WIF1: variants seen among roughly 807,000 people sequenced by gnomAD.
WIF1 encodes Wnt inhibitory factor 1.
A neutral mutation model predicts 53.5 loss-of-function variants in WIF1; 35 were observed. The ratio of observed to expected loss-of-function variants is 0.65; its 90% CI spans 0.50 to 0.87. The LOEUF (loss-of-function observed/expected upper bound fraction) is 0.87. Ranked by LOEUF, WIF1 falls within the 40% of genes least tolerant of loss-of-function variation. WIF1 has a pLI of 0.00. For synonymous variants in WIF1, 171 were observed against 170.4 expected (o/e 1.00, Z -0.03); for missense variants, 467 against 476.8 (o/e 0.98, Z 0.19).
intron 3 of WIF1, among the ~76,000 whole-genome samples, chr12:65,069,732 C>T (rs960880286): frequency 6.6e-6 from 1 of 152,078 alleles, no homozygotes; most frequent in African/African-American, 2.4e-5. Flanking sequence ...GAAGACATTG[C>T]TGTACAAAGA....
intron 7 of WIF1, among the ~76,000 whole-genome samples, chr12:65,058,322 T>C (rs183402939): frequency 6.6e-6 from 1 of 152,344 alleles, no homozygotes; most frequent in Admixed American, 6.5e-5. Context: ...AAAGACAGCG[T>C]ACTCATATGT....
chr12:65,081,097 T>C (rs1882941890), intron 2 of WIF1, among the ~76,000 whole-genome samples: 1 of 150,780 alleles, frequency 6.6e-6, no homozygotes, highest in South Asian at 2.1e-4. Flanking sequence ...ATTTATATCT[T>C]TTCATGAAAT....
chr12:65,055,287 T>G, intron 8 of WIF1, 74 bp from the exon 9 acceptor site: 1 of 1,505,506 alleles, frequency 6.6e-7, no homozygotes, highest in South Asian at 1.3e-5. Flanking sequence ...TTGCTTTCCT[T>G]GCAATTCTTT....
At chr12:65,081,380 C>T (rs554505420) in intron 2 of WIF1, among the ~76,000 whole-genome samples, 67 of 152,156 alleles carry the variant, frequency 4.4e-4, no homozygotes, top group African/African-American at 1.4e-3. Flanking sequence ...AAATTCCATT[C>T]GGAGGCCAGA....
intron 6 of WIF1, among the ~76,000 whole-genome samples, chr12:65,063,846 T>A (rs1393286596): frequency 1.3e-5 from 2 of 152,086 alleles, no homozygotes; most frequent in African/African-American, 4.8e-5. Context: ...CCCAGATGGC[T>A]GGGAGTAAAG....
chr12:65,101,679 G>A (rs752664048), intron 2 of WIF1, among the ~76,000 whole-genome samples: 2 of 152,186 alleles, frequency 1.3e-5, no homozygotes, highest in East Asian at 1.9e-4. Flanking sequence ...GATAGTGACC[G>A]AACATAAATC....
intron 7 of WIF1, among the ~76,000 whole-genome samples, chr12:65,062,255 A>G (rs1168697580): frequency 2.0e-5 from 3 of 152,206 alleles, no homozygotes; most frequent in Admixed American, 2.0e-4. Context: ...ACCGAGTCAG[A>G]GAGCATTTCT....
chr12:65,091,223 A>G (rs1023304221), intron 2 of WIF1, among the ~76,000 whole-genome samples: 1 of 151,574 alleles, frequency 6.6e-6, no homozygotes, highest in African/African-American at 2.4e-5. Context: ...GCAAAAACCT[A>G]GTTTCTTTAA....
At chr12:65,098,665 T>A (rs892571162) in intron 2 of WIF1, among the ~76,000 whole-genome samples, 4 of 152,100 alleles carry the variant, frequency 2.6e-5, no homozygotes, top group Non-Finnish European at 5.9e-5. Context: ...TCTGTGTGTG[T>A]GTGTGTGTAA....
chr12:65,101,721 C>G (rs1252268370), intron 2 of WIF1, among the ~76,000 whole-genome samples: 1 of 152,258 alleles, frequency 6.6e-6, no homozygotes. Context: ...ATAAAAAACC[C>G]TTATAATTTG....
chr12:65,069,893 C>A (rs771012258), intron 3 of WIF1, among the ~76,000 whole-genome samples: 13 of 152,152 alleles, frequency 8.5e-5, no homozygotes, highest in Non-Finnish European at 1.6e-4. Context: ...ACTGATATAG[C>A]AGATCCACCA....
intron 2 of WIF1, among the ~76,000 whole-genome samples, chr12:65,114,254 C>T (rs1351821974): frequency 2.6e-5 from 4 of 151,868 alleles, no homozygotes; most frequent in South Asian, 4.2e-4. Context: ...TCCAGTCCAA[C>T]GGGAAACTTG....
chr12:65,087,121 G>T (rs1883051620), intron 2 of WIF1, among the ~76,000 whole-genome samples: 1 of 152,202 alleles, frequency 6.6e-6, no homozygotes, highest in African/African-American at 2.4e-5. Context: ...CTGCACTTCA[G>T]CCTGGGTGAC....
At chr12:65,118,861 G>A (rs1326767431) in intron 2 of WIF1, among the ~76,000 whole-genome samples, 4 of 134,536 alleles carry the variant, frequency 3.0e-5, no homozygotes, top group Admixed American at 7.5e-5. Flanking sequence ...GATAGAGAGA[G>A]GAGGGAGGGA....
At chr12:65,112,790 A>C (rs1388205686) in intron 2 of WIF1, among the ~76,000 whole-genome samples, 2 of 152,284 alleles carry the variant, frequency 1.3e-5, no homozygotes, top group East Asian at 1.9e-4. Context: ...AAGCATTAGG[A>C]CATCCTGAGC....
At chr12:65,056,366 CTTTTTTTTTTTTTTTTTTTTTTT>C (rs10584146) in intron 7 of WIF1, among the ~76,000 whole-genome samples, 4 of 24,222 alleles carry the variant, frequency 1.7e-4, no homozygotes, top group Non-Finnish European at 3.2e-4. Flanking sequence ...CATTTATATC[CTTTTTTTTTTTTTTTTTTTTTTT>C]TTTTTTTTTT....
chr12:65,056,363 A>T (rs1592386310), intron 7 of WIF1, among the ~76,000 whole-genome samples: 5 of 46,774 alleles, frequency 1.1e-4, no homozygotes, highest in Admixed American at 5.1e-4. Context: ...CTGCATTTAT[A>T]TCCTTTTTTT....
In WIF1 at chr12:65,088,796, C is replaced by CA. The variant is rs200175169; in HGVS notation, c.289-10943dup. Among the ~76,000 whole-genome samples the CA allele has an allele frequency of 5.3e-5, 8 of 151,012 alleles. No individual in the cohort carries two copies. The East Asian group carries it at 9.7e-4, about 18-fold the overall frequency. On this transcript the variant is annotated intron_variant, in intron 2 of 9. Transcript: ENST00000286574. ...TGCTCTTCTCTCTATAATTGCACCT[C>CA]AAAAAAAAAGTTCTGAATGTGGGTC...
At chr12:65,053,175 C>A (rs1034286840) in intron 9 of WIF1, among the ~76,000 whole-genome samples, 1 of 152,104 alleles carries the variant, frequency 6.6e-6, no homozygotes, top group African/African-American at 2.4e-5. Context: ...GCAGGGATAC[C>A]ATTCAACCAT....
Sources: gnomAD v4.1 joint callset for allele counts (sites outside exome capture counted in the v4.1 genomes callset) on GRCh38, gnomAD v4.1.1 for gene constraint, MANE v1.5 for transcripts, NCBI Gene and HGNC (gene_info 2026-07-23, HGNC 2026-07-21) for gene names.